Variants in RYR1 observed in about 807,000 individuals in gnomAD.
RYR1 encodes ryanodine receptor 1.
A neutral mutation model predicts 583.5 loss-of-function variants in RYR1; 342 were observed. The ratio of observed to expected loss-of-function variants is 0.59; its 90% CI spans 0.54 to 0.64. The LOEUF (loss-of-function observed/expected upper bound fraction) is 0.64. Among genes scored for constraint, RYR1 ranks in the 30% least tolerant of loss-of-function variants. The pLI, the probability that RYR1 is intolerant of heterozygous loss-of-function variation, is 0.00. For missense variants in RYR1, 6,032 were observed against 6,917.2 expected, an observed-to-expected ratio of 0.87 and a Z score of 4.54; for synonymous variants, 2,791 against 2,822.5, an observed-to-expected ratio of 0.99 and a Z score of 0.35.
Position 38,499,513 on chromosome 19 carries a change from G to A in RYR1, c.7028-122G>A, listed in dbSNP as rs553591625. ...GCAGGGGCCTGGTGTTACCTCTGGA[G>A]GTGTTGGGTCCTGGAGCTGGATGGG... On this transcript the variant is annotated intron_variant, in intron 43 of 105. Coordinates refer to ENST00000359596, the MANE Select transcript of RYR1 (RefSeq NM_000540.3). This position sits in a 1 kb window ranked among gnomAD's most constrained non-coding sequence, Gnocchi z 7.3. The A allele has an allele frequency of 1.1e-5, 13 of 1,178,332 alleles. No homozygotes were observed. The highest frequency in any genetic ancestry group is 1.6e-5 in the Non-Finnish European group (13 of 824,884). 73.0% of individuals were successfully genotyped at this position (1,178,332 alleles called of 1,614,324 possible).
In RYR1 at chr19:38,500,013, G is replaced by A; in HGVS notation, c.7320G>A (p.Met2440Ile). 6.2e-7 allele frequency: 1 copy of A among 1,613,930 alleles called. No homozygotes were observed. The highest frequency in any genetic ancestry group is 2.2e-5 in the East Asian group (1 of 44,880). The change falls in exon 45 of 106, where the codon ATG (methionine) becomes ATA (isoleucine). Residue 2440 changes from methionine to isoleucine, a missense_variant. Physicochemically the swap from Met to Ile is conservative, Grantham distance 10. Transcript: ENST00000359596. This position sits in a 1 kb window ranked among gnomAD's most constrained non-coding sequence, Gnocchi z 5.9. ...IDLLGRCAPE[M>I]HLIQAGKGEA... Reference sequence around the variant, plus strand: ...TGCTCGGACGCTGTGCACCAGAGATGCATGTGAGACCCTGAGCCAGGGCAG... The same window carrying A: ...TGCTCGGACGCTGTGCACCAGAGATACATGTGAGACCCTGAGCCAGGGCAG...
At chr19:38,456,502 G>A (rs1444356478) in intron 16 of RYR1, among the ~76,000 whole-genome samples, 3 of 151,432 alleles carry the variant, frequency 2.0e-5, no homozygotes, top group South Asian at 2.1e-4. Context: ...GTCTGGTCTC[G>A]AACTCCTGAC....
In RYR1 at chr19:38,566,974, C is replaced by A. The variant is rs1329121041; in HGVS notation, c.13501C>A (p.Pro4501Thr). The A allele has an allele frequency of 6.3e-7, 1 of 1,596,550 alleles. No individual in the cohort carries two copies. The highest frequency in any genetic ancestry group is 1.3e-5 in the African/African-American group (1 of 74,676). ...GCCCGAGCCGGAACCAGAGCTGGAG[C>A]CGGAGAAAGCCGAGTGAGTGGCCTT... ...PEPEPEPELE[P>T]EKADAENGEK... is the part of the protein sequence containing the mutation. Residue 4501 changes from proline (P) to threonine (T), a missense_variant, in exon 92 of 106, where the codon CCG (proline) becomes ACG (threonine). Physicochemically the swap from Pro to Thr is conservative, Grantham distance 38. This residue lies in a region of RYR1 where 753 missense variants were observed against 759.6 expected (regional missense o/e 0.99). Transcript: ENST00000359596.
At position 38,466,501 on chromosome 19, in the gene RYR1, C is replaced by CT. The variant is rs869097541; in HGVS notation, c.3178+124dup. 0.048 allele frequency: 30,771 copies of CT among 635,100 alleles called. 87 individuals are homozygous for CT. Among genetic ancestry groups the CT allele is most frequent in the African/African-American group, 0.071 (3,379 of 47,716 alleles). The allele number at this position is 635,100 out of a possible 1,614,324, so 39.3% of individuals were successfully genotyped here. On this transcript the variant is annotated intron_variant, in intron 24 of 105. Transcript: ENST00000359596. ...GACTCAGCCCCCAAATGGGCTATAT[C>CT]TTTTTTTTTTTTTTTTTTTTTGAGA...
chr19:38,546,024 TC>T (rs1972407151), intron 87 of RYR1, among the ~76,000 whole-genome samples: 1 of 152,094 alleles, frequency 6.6e-6, no homozygotes, highest in South Asian at 2.1e-4. Context: ...AGAGTCCCAC[TC>T]TTGCCATCAC....
intron 73 of RYR1, chr19:38,528,032 T>C (rs1294676068): frequency 1.6e-6 from 1 of 614,270 alleles, no homozygotes; most frequent in Non-Finnish European, 2.9e-6. Flanking sequence ...CTAGAGGAGA[T>C]GCGTTGAGTT....
chr19:38,433,746 GCCC>G lies in RYR1; in HGVS notation c.-83_-81del. ...GTGTCTCCAGAGGTCTCCGACCCCAGCCCGCCCCCAGCCCTCCCGCCCAGCCCG... is the reference window on the plus strand; with the variant it reads ...GTGTCTCCAGAGGTCTCCGACCCCAGGCCCCCAGCCCTCCCGCCCAGCCCG... On this transcript the variant is annotated 5_prime_UTR_variant, in exon 1 of 106. Transcript: ENST00000359596. The G allele has an allele frequency of 1.7e-5, 9 of 520,718 alleles. No individual in the cohort carries two copies. Among genetic ancestry groups the G allele is most frequent in the South Asian group, 7.8e-5 (5 of 64,400 alleles). The allele number at this position is 520,718 out of a possible 1,614,324, so 32.3% of individuals were successfully genotyped here. A position where few individuals can be genotyped will look rare whatever the true frequency, so the allele number is the denominator to read the frequency against.
Position 38,516,183 on chromosome 19 carries a change from C to G in RYR1, c.9651C>G (p.Ser3217=), listed in dbSNP as rs370457617. Residue 3217 remains serine, a synonymous_variant, in exon 65 of 106, where the codon TCC becomes TCG. Coordinates refer to ENST00000359596, the MANE Select transcript of RYR1 (RefSeq NM_000540.3). The stretch of plus-strand genomic sequence containing the variant: ...AGCTGAACGAGTACAACGCCTGCTC[C>G]GTGTACACCACCAAGTCTCCGCGGG... The part of the protein sequence containing the change: ...EPQLNEYNAC[S]VYTTKSPRER... 2.5e-6 allele frequency: 4 copies of G among 1,573,100 alleles called. No individual in the cohort carries two copies. The African/African-American group carries it at 4.1e-5, about 16-fold the overall frequency.
At chr19:38,473,244 T>C in intron 27 of RYR1, 133 bp from the exon 28 acceptor site, 1 of 1,133,486 alleles carries the variant, frequency 8.8e-7, no homozygotes, top group Non-Finnish European at 1.3e-6. Context: ...CCTGCAGGAG[T>C]GGGGGGCCCT....
At chr19:38,489,935 A>T in intron 35 of RYR1, 141 bp from the exon 36 acceptor site, 1 of 854,346 alleles carries the variant, frequency 1.2e-6, no homozygotes, top group South Asian at 1.4e-5. Flanking sequence ...TGAGGAAGGC[A>T]GGCTTAAGGT....
At chr19:38,501,068 C>A in intron 47 of RYR1, 78 bp downstream of exon 47, 1 of 1,427,476 alleles carries the variant, frequency 7.0e-7, no homozygotes, top group Non-Finnish European at 9.7e-7. Flanking sequence ...AGAGCAGCAG[C>A]AGCTGCTTTT....
At chr19:38,481,742 C>T (rs570007365) in intron 31 of RYR1, among the ~76,000 whole-genome samples, 31 of 152,064 alleles carry the variant, frequency 2.0e-4, no homozygotes, top group African/African-American at 6.7e-4. Context: ...GCTATGATAG[C>T]GCCACTGCAC....
At chr19:38,466,020 G>A (rs1038761540) in intron 23 of RYR1, 71 bp from the exon 24 acceptor site, 3 of 1,421,818 alleles carry the variant, frequency 2.1e-6, no homozygotes, top group African/African-American at 2.8e-5. Context: ...AGCAGTCAGG[G>A]ATCCCATATA....
At chr19:38,508,635 GGCAAAGGAACAGCGAGT>G (rs1970589157) in intron 58 of RYR1, among the ~76,000 whole-genome samples, 1 of 152,214 alleles carries the variant, frequency 6.6e-6, no homozygotes, top group Non-Finnish European at 1.5e-5. Flanking sequence ...GTTCCTTGCA[GGCAAAGGAACAGCGAGT>G]GCAAAGGCCC....
intron 38 of RYR1, 74 bp from the exon 39 acceptor site, chr19:38,494,278 T>G: frequency 1.3e-6 from 2 of 1,589,278 alleles, no homozygotes; most frequent in African/African-American, 1.3e-5. Flanking sequence ...CCCTTCCACA[T>G]TGTTCTGGTC....
At chr19:38,503,459 C>A (rs537061706) in intron 49 of RYR1, among the ~76,000 whole-genome samples, 1 of 152,144 alleles carries the variant, frequency 6.6e-6, no homozygotes, top group Non-Finnish European at 1.5e-5. Flanking sequence ...CATAATACAT[C>A]GAAATCAGCT....
In RYR1 at chr19:38,496,379, G is replaced by C. The variant is rs1273902459; in HGVS notation, c.6664-30G>C. The C allele has an allele frequency of 6.2e-7, 1 of 1,613,656 alleles. No homozygotes were observed. Among genetic ancestry groups the C allele is most frequent in the African/African-American group, 1.3e-5 (1 of 74,916 alleles). On this transcript the variant is annotated intron_variant, in intron 40 of 105. Coordinates refer to ENST00000359596, the MANE Select transcript of RYR1 (RefSeq NM_000540.3). This position sits in a 1 kb window ranked among gnomAD's most constrained non-coding sequence, Gnocchi z 4.8. ...GAGCTCAGGGGAGGCAGCCACAGAG[G>C]GCAGGCCCTGACCACCCTGCCTGTC...
intron 11 of RYR1, among the ~76,000 whole-genome samples, chr19:38,449,373 T>C (rs551045897): frequency 6.6e-6 from 1 of 152,270 alleles, no homozygotes; most frequent in East Asian, 1.9e-4. Context: ...GGCAGGAGAA[T>C]TGCTTGAACC....
At chr19:38,450,067 CAGG>C (rs1966998019) in intron 11 of RYR1, among the ~76,000 whole-genome samples, 1 of 152,116 alleles carries the variant, frequency 6.6e-6, no homozygotes, top group African/African-American at 2.4e-5. Context: ...GATGGGCTCA[CAGG>C]AGATTTTGAG....
Sources: gnomAD v4.1 joint callset for allele counts (sites outside exome capture counted in the v4.1 genomes callset) on GRCh38, gnomAD v4.1.1 for gene constraint, gnomAD v4.1.1 regional missense constraint, Gnocchi (gnomAD v3.1) non-coding constraint, MANE v1.5 for transcripts, NCBI Gene and HGNC (gene_info 2026-07-23, HGNC 2026-07-21) for gene names.